COL12A1: variants seen among roughly 807,000 people sequenced by gnomAD.
COL12A1 encodes collagen type XII alpha 1 chain.
COL12A1 carries 114 observed loss-of-function variants against 349.7 expected under a neutral mutation model. The ratio of observed to expected loss-of-function variants is 0.33; its 90% CI spans 0.28 to 0.38. COL12A1 has a LOEUF of 0.38. COL12A1 is among the 10% of genes least tolerant of loss of function. The probability of loss-of-function intolerance (pLI) is 1.00; values close to 1 mark genes in which losing one functional copy is unlikely to be tolerated. For synonymous variants in COL12A1, 1,369 were observed against 1,329.0 expected (o/e 1.03, Z -0.66); for missense variants, 3,284 against 3,756.9 (o/e 0.87, Z 3.29).
In COL12A1 at chr6:75,135,249, A is replaced by C. The variant is rs192106836; in HGVS notation, c.5395-394T>G. ...TTTTAGAGGCTCCACACCACTTAAT[A>C]TTATTCTTACCTTTTTAACAGATGT... On this transcript the variant is annotated intron_variant, in intron 31 of 65. Transcript: ENST00000322507. 2.4e-4 allele frequency among the ~76,000 whole-genome samples: 37 copies of C among 152,310 alleles called. No individual in the cohort carries two copies. In the East Asian group the frequency reaches 5.0e-3, roughly 21 times the overall value.
At position 75,146,165 on chromosome 6, in the gene COL12A1, T is replaced by C. The variant is rs780285985; in HGVS notation, c.4497A>G (p.Gly1499=). 6.2e-7 allele frequency: 1 copy of C among 1,613,482 alleles called. No individual in the cohort carries two copies. Among genetic ancestry groups the C allele is most frequent in the Non-Finnish European group, 8.5e-7 (1 of 1,179,672 alleles). ...TGTATGACAAGATGTAGCCAGTAGC[T>C]CCTCCCACAGGCTGCCACTGCACAT... The part of the protein sequence containing the change: ...TMHVQWQPVG[G]ATGYILSYKP... The change falls in exon 24 of 66, where the codon GGA becomes GGG. Residue 1499 remains glycine, a synonymous_variant. Coordinates refer to ENST00000322507, the MANE Select transcript of COL12A1 (RefSeq NM_004370.6).
chr6:75,190,133 C>A (rs1261749827), intron 5 of COL12A1, among the ~76,000 whole-genome samples: 5 of 151,916 alleles, frequency 3.3e-5, no homozygotes, highest in Admixed American at 3.3e-4. Flanking sequence ...TGCTATCAAC[C>A]TATCCATTTT....
chr6:75,186,401 A>T (rs954809127), intron 8 of COL12A1, among the ~76,000 whole-genome samples: 2 of 152,226 alleles, frequency 1.3e-5, no homozygotes, highest in Non-Finnish European at 2.9e-5. Context: ...AGAAACACAA[A>T]TCAAAACCAC....
At chr6:75,094,945 T>G (rs1436181821) in intron 60 of COL12A1, among the ~76,000 whole-genome samples, 163 bp downstream of exon 60, 1 of 152,188 alleles carries the variant, frequency 6.6e-6, no homozygotes. Flanking sequence ...AGAGAAAAAT[T>G]TTGAACTAGT....
intron 31 of COL12A1, among the ~76,000 whole-genome samples, chr6:75,136,769 A>T (rs569171232): frequency 1.3e-5 from 2 of 152,310 alleles, no homozygotes; most frequent in East Asian, 3.9e-4. Flanking sequence ...ATAGTTCACA[A>T]AAGGCAAAGT....
Position 75,177,746 on chromosome 6 carries a change from T to C in COL12A1, c.2354A>G (p.Asp785Gly). ...AATTACAGATACTTCATATTTCGTG[T>C]CTGGAATCAAGTTCTCCAGTGTTCT... ...RRRTLENLIP[D>G]TKYEVSVIPE... Residue 785 changes from aspartate to glycine, a missense_variant, in exon 12 of 66, where the codon GAC (aspartate) becomes GGC (glycine). By Grantham distance (94) the Asp-to-Gly change is moderately conservative. Transcript: ENST00000322507. The C allele has an allele frequency of 6.2e-7, 1 of 1,614,158 alleles. No individual in the cohort carries two copies. Among genetic ancestry groups the C allele is most frequent in the South Asian group, 1.1e-5 (1 of 91,086 alleles).
At chr6:75,173,286 C>G (rs1582175276) in intron 13 of COL12A1, among the ~76,000 whole-genome samples, 1 of 152,260 alleles carries the variant, frequency 6.6e-6, no homozygotes, top group East Asian at 1.9e-4. Context: ...GTTGTAAGTA[C>G]TTTAAACACT....
At chr6:75,186,663 C>T (rs964318254) in intron 8 of COL12A1, among the ~76,000 whole-genome samples, 1 of 152,254 alleles carries the variant, frequency 6.6e-6, no homozygotes, top group South Asian at 2.1e-4. Flanking sequence ...AAGATAAATG[C>T]ACACGTATAT....
chr6:75,152,760 G>A (rs1213559982), intron 17 of COL12A1, among the ~76,000 whole-genome samples: 2 of 152,078 alleles, frequency 1.3e-5, no homozygotes, highest in African/African-American at 4.8e-5. Flanking sequence ...CATAGAACCT[G>A]GAGACTTGAA....
intron 4 of COL12A1, 111 bp downstream of exon 4, chr6:75,192,101 G>T: frequency 1.2e-6 from 1 of 818,756 alleles, no homozygotes; most frequent in Non-Finnish European, 1.8e-6. Context: ...GAAAAAAATA[G>T]TTAGTACTGC....
At chr6:75,139,227 A>T (rs931572999) in intron 27 of COL12A1, among the ~76,000 whole-genome samples, 2 of 152,120 alleles carry the variant, frequency 1.3e-5, no homozygotes, top group Non-Finnish European at 2.9e-5. Flanking sequence ...TTAAGAATCA[A>T]ATCAACACTA....
At chr6:75,191,840 TAG>T in intron 4 of COL12A1, 80 bp from the exon 5 acceptor site, 2 of 852,940 alleles carry the variant, frequency 2.3e-6, no homozygotes, top group Non-Finnish European at 3.3e-6. Context: ...TATATTATAT[TAG>T]TTTTTGTTAT....
chr6:75,138,304 C>CA lies in COL12A1; in HGVS notation c.5251+15dup. ...TTATTTGTTCATTCAAACAATTCAT[C>CA]AAATTAAATTCTTACCTTGTGTTGT... On this transcript the variant is annotated intron_variant, in intron 30 of 65. Transcript: ENST00000322507. 1 of 1,600,030 alleles carries CA rather than the reference C, an allele frequency of 6.2e-7. No individual in the cohort carries two copies. The highest frequency in any genetic ancestry group is 1.3e-5 in the African/African-American group (1 of 74,350).
intron 39 of COL12A1, 136 bp from the exon 40 acceptor site, chr6:75,125,409 G>A: frequency 2.9e-6 from 2 of 695,372 alleles, no homozygotes; most frequent in Non-Finnish European, 4.5e-6. Flanking sequence ...TACTCACTGG[G>A]GCACATGCTA....
At chr6:75,151,823 A>G in intron 20 of COL12A1, 44 bp downstream of exon 20, 1 of 1,566,018 alleles carries the variant, frequency 6.4e-7, no homozygotes, top group Non-Finnish European at 8.7e-7. Flanking sequence ...TATCCTCAGC[A>G]CATTTGTAAC....
intron 47 of COL12A1, 25 bp from the exon 48 acceptor site, chr6:75,116,082 T>A: frequency 6.2e-7 from 1 of 1,611,246 alleles, no homozygotes; most frequent in Non-Finnish European, 8.5e-7. Context: ...GTTCTTTAAG[T>A]ATGATTCACC....
intron 13 of COL12A1, among the ~76,000 whole-genome samples, chr6:75,169,763 C>A (rs1449569341): frequency 6.6e-6 from 1 of 152,086 alleles, no homozygotes; most frequent in East Asian, 1.9e-4. Flanking sequence ...TATTACCATT[C>A]CTTTGATTCT....
At chr6:75,154,299 A>T in intron 17 of COL12A1, 117 bp downstream of exon 17, 2 of 1,212,202 alleles carry the variant, frequency 1.6e-6, no homozygotes, top group Non-Finnish European at 2.2e-6. Context: ...AAATTATTGA[A>T]ATAAATTTTA....
chr6:75,126,732 G>T (rs1363859050), intron 38 of COL12A1, among the ~76,000 whole-genome samples: 1 of 152,108 alleles, frequency 6.6e-6, no homozygotes, highest in African/African-American at 2.4e-5. Flanking sequence ...ATCCAGAGCG[G>T]AAGTGTTCTA....
Sources: gnomAD v4.1 joint callset for allele counts (sites outside exome capture counted in the v4.1 genomes callset) on GRCh38, gnomAD v4.1.1 for gene constraint, MANE v1.5 for transcripts, NCBI Gene and HGNC (gene_info 2026-07-23, HGNC 2026-07-21) for gene names.